The following TMEM182 variants were observed in gnomAD, a reference collection of about 807,000 sequenced individuals.
TMEM182 encodes the protein transmembrane protein 182.
Under a neutral mutation model 26.8 loss-of-function variants are expected in TMEM182, and 20 were observed. The observed-to-expected ratio is 0.75, with a 90% CI of 0.53 to 1.09. TMEM182 has a LOEUF of 1.09. Among genes scored for constraint, TMEM182 ranks in the 50% least tolerant of loss-of-function variants. The pLI is 0.00. For missense variants in TMEM182, 277 were observed against 275.5 expected (o/e 1.01, Z -0.04); for synonymous variants, 109 against 102.2 (o/e 1.07, Z -0.40).
chr2:102,785,428 TTGTA>T (rs573842728), intron 3 of TMEM182, among the ~76,000 whole-genome samples: 69 of 152,346 alleles, frequency 4.5e-4, no homozygotes, highest in Middle Eastern at 3.4e-3. Flanking sequence ...AGCCATCTAA[TTGTA>T]TATTTCTTTC....
chr2:102,831,745 A>T (rs1300745889), intron 3 of TMEM182, among the ~76,000 whole-genome samples: 3 of 152,012 alleles, frequency 2.0e-5, no homozygotes, highest in Non-Finnish European at 2.9e-5. Flanking sequence ...CAACAGAGCT[A>T]GACTCTGTCT....
intron 4 of TMEM182, among the ~76,000 whole-genome samples, chr2:102,804,678 G>A (rs1466895032): frequency 2.0e-5 from 3 of 152,254 alleles, no homozygotes; most frequent in East Asian, 3.9e-4. Context: ...ATAGGAAACC[G>A]AATATTTTAC....
chr2:102,781,266 G>A (rs1398137744), intron 3 of TMEM182, among the ~76,000 whole-genome samples: 1 of 152,168 alleles, frequency 6.6e-6, no homozygotes, highest in Non-Finnish European at 1.5e-5. Context: ...AGTCATTAAT[G>A]ACTCTTTTTT....
chr2:102,801,955 G>A (rs1361059480), intron 4 of TMEM182, among the ~76,000 whole-genome samples: 3 of 152,172 alleles, frequency 2.0e-5, no homozygotes, highest in African/African-American at 7.2e-5. Flanking sequence ...TGTTTACCAA[G>A]AGCAGGGAGA....
chr2:102,812,733 C>T (rs1221957138), intron 4 of TMEM182, among the ~76,000 whole-genome samples: 2 of 152,080 alleles, frequency 1.3e-5, no homozygotes, highest in African/African-American at 4.8e-5. Context: ...TTCCTTTTTC[C>T]ATTAAAATAT....
intron 1 of TMEM182, among the ~76,000 whole-genome samples, chr2:102,750,587 A>G (rs1047323255): frequency 6.6e-6 from 1 of 152,196 alleles, no homozygotes. Flanking sequence ...CCGGGTATTC[A>G]ATGGGTGAAT....
At chr2:102,835,707 T>C (rs1450284710) in intron 3 of TMEM182, among the ~76,000 whole-genome samples, 1 of 152,134 alleles carries the variant, frequency 6.6e-6, no homozygotes, top group Non-Finnish European at 1.5e-5. Context: ...ATTTATTTTA[T>C]TTTTTTATAC....
intron 1 of TMEM182, among the ~76,000 whole-genome samples, chr2:102,738,757 A>G (rs368144035): frequency 6.6e-6 from 1 of 152,194 alleles, no homozygotes; most frequent in African/African-American, 2.4e-5. Context: ...ACATATACCG[A>G]TGTAATATGT....
chr2:102,800,796 T>TG (rs1491315841), intron 4 of TMEM182, among the ~76,000 whole-genome samples: 5 of 126,222 alleles, frequency 4.0e-5, no homozygotes, highest in Non-Finnish European at 8.3e-5. Flanking sequence ...TTTTGGACAG[T>TG]TTGTGTGTGT....
intron 3 of TMEM182, among the ~76,000 whole-genome samples, chr2:102,783,524 C>T (rs571244483): frequency 3.3e-5 from 5 of 152,296 alleles, no homozygotes; most frequent in Non-Finnish European, 7.4e-5. Flanking sequence ...AGGCTACCAG[C>T]AGACATTTCC....
chr2:102,818,628 C>G (rs2104764703), downstream of TMEM182, among the ~76,000 whole-genome samples: 1 of 152,192 alleles, frequency 6.6e-6, no homozygotes, highest in African/African-American at 2.4e-5. Flanking sequence ...ATCCCTCCTG[C>G]CCATAGGATT....
At chr2:102,837,238 T>G (rs1683263031) in intron 3 of TMEM182, among the ~76,000 whole-genome samples, 1 of 152,204 alleles carries the variant, frequency 6.6e-6, no homozygotes, top group South Asian at 2.1e-4. Context: ...TTTGTGGGTT[T>G]TTTTTTGTTT....
chr2:102,779,408 T>G (rs1325561136), intron 3 of TMEM182, among the ~76,000 whole-genome samples: 1 of 152,196 alleles, frequency 6.6e-6, no homozygotes, highest in East Asian at 1.9e-4. Context: ...CCTTGAATAC[T>G]TTTTCAGCCC....
chr2:102,829,321 C>A (rs182952022), intron 3 of TMEM182, among the ~76,000 whole-genome samples: 2 of 152,214 alleles, frequency 1.3e-5, no homozygotes, highest in African/African-American at 4.8e-5. Flanking sequence ...ATGCTAACTG[C>A]ATCAGGGTGG....
intron 1 of TMEM182, among the ~76,000 whole-genome samples, chr2:102,738,275 G>C (rs1679422657): frequency 6.6e-6 from 1 of 152,098 alleles, no homozygotes; most frequent in South Asian, 2.1e-4. Context: ...TATAACCTAG[G>C]AGGACATCTC....
chr2:102,786,193 A>G (rs1681382121), intron 3 of TMEM182, among the ~76,000 whole-genome samples: 1 of 149,002 alleles, frequency 6.7e-6, no homozygotes, highest in Non-Finnish European at 1.5e-5. Flanking sequence ...GGAAGATTAC[A>G]TAGCACTCAG....
intron 1 of TMEM182, among the ~76,000 whole-genome samples, chr2:102,755,708 A>G (rs1029985843): frequency 2.0e-5 from 3 of 152,182 alleles, no homozygotes; most frequent in Non-Finnish European, 4.4e-5. Flanking sequence ...TGGCCTTTGT[A>G]AGGGGATGCT....
chr2:102,798,226 C>T, intron 4 of TMEM182, among the ~76,000 whole-genome samples: 1 of 152,312 alleles, frequency 6.6e-6, no homozygotes, highest in East Asian at 1.9e-4. Context: ...CATGCTGACA[C>T]ATTTAACCAT....
At chr2:102,834,436 G>A in intron 3 of TMEM182, 1 of 985,306 alleles carries the variant, frequency 1.0e-6, no homozygotes, top group Non-Finnish European at 1.2e-6. Flanking sequence ...GGATGGAAGT[G>A]AAGTGGAATG....
Sources: allele counts gnomAD v4.1 joint callset (sites outside exome capture counted in the v4.1 genomes callset), GRCh38; gene constraint gnomAD v4.1.1; transcripts MANE v1.5; gene names NCBI Gene and HGNC (gene_info 2026-07-23, HGNC 2026-07-21).